Variants in ZNF341 observed in about 807,000 individuals in gnomAD.
ZNF341 encodes zinc finger protein 341.
In ZNF341, 52 loss-of-function variants were observed where a neutral mutation model predicts 87.7. That is an observed-to-expected ratio of 0.59 (90% CI 0.47 to 0.75). The LOEUF is 0.75. Ranked by LOEUF, ZNF341 falls within the 30% of genes least tolerant of loss-of-function variation. The pLI, the probability that ZNF341 is intolerant of heterozygous loss-of-function variation, is 0.00. For synonymous variants in ZNF341, 459 were observed against 472.7 expected (o/e 0.97, Z 0.38); for missense variants, 977 against 1,145.9 (o/e 0.85, Z 2.13).
chr20:33,780,870 C>G (rs1170675048), intron 10 of ZNF341, among the ~76,000 whole-genome samples: 1 of 152,048 alleles, frequency 6.6e-6, no homozygotes, highest in Non-Finnish European at 1.5e-5. Flanking sequence ...CCACATCTAG[C>G]TAATTTTTAA....
At chr20:33,771,613 G>A (rs1367783711) in intron 10 of ZNF341, among the ~76,000 whole-genome samples, 1 of 152,060 alleles carries the variant, frequency 6.6e-6, no homozygotes, top group African/African-American at 2.4e-5. Flanking sequence ...AATTTATTCT[G>A]ATAATCATTT....
chr20:33,784,130 T>C, intron 12 of ZNF341, among the ~76,000 whole-genome samples: 1 of 64,330 alleles, frequency 1.6e-5, no homozygotes. Context: ...CCCTTCTCCC[T>C]CCTCTTCCCC....
intron 5 of ZNF341, among the ~76,000 whole-genome samples, chr20:33,755,039 T>C (rs2019148640): frequency 6.6e-6 from 1 of 152,040 alleles, no homozygotes; most frequent in Admixed American, 6.6e-5. Flanking sequence ...ACCTCTCAGG[T>C]TCAAGCGATT....
Position 33,791,262 on chromosome 20 carries a change from G to C in ZNF341, c.2310G>C (p.Pro770=), listed in dbSNP as rs571959953. 1.2e-6 allele frequency: 2 copies of C among 1,611,696 alleles called. No individual in the cohort carries two copies. The highest frequency in any genetic ancestry group is 2.7e-5 in the African/African-American group (2 of 75,038). ...GRKVLTPLPD[P]LGLEELKDTG... is the part of the protein sequence containing the mutation. ...AGGTGCTGACCCCCTTGCCTGACCC[G>C]CTGGGGCTGGAGGAGCTGAAGGACA... is the stretch of plus-strand genomic sequence containing the variant. The change falls in exon 15 of 15, where the codon CCG becomes CCC. Residue 770 remains proline (P), a synonymous_variant. Coordinates refer to ENST00000375200, the MANE Select transcript of ZNF341 (RefSeq NM_001282933.2).
At position 33,761,977 on chromosome 20, in the gene ZNF341, G is replaced by A. The variant is rs1357761370; in HGVS notation, c.1144G>A (p.Gly382Ser). 4 of 1,607,462 alleles carry A rather than the reference G, an allele frequency of 2.5e-6. No individual in the cohort carries two copies. Among genetic ancestry groups the A allele is most frequent in the Non-Finnish European group, 3.4e-6 (4 of 1,175,228 alleles). The change falls in exon 8 of 15, where the codon GGC becomes AGC. Residue 382 changes from glycine (G) to serine (S), a missense_variant. Around this residue, in one of 3 missense-constraint regions of ZNF341, gnomAD observed 515 missense variants for 598.2 expected, o/e 0.86. Transcript: ENST00000375200. ...HKVWPPGHSG[G>S]TVSRNSVTVQ... ...GGTGTGGCCTCCAGGACACAGTGGT[G>A]GCACCGTGTCTCGAAACTCTGTGAC...
chr20:33,743,646 C>T lies in ZNF341; in HGVS notation c.143-1457C>T, dbSNP rs903104937. On this transcript the variant is annotated intron_variant, in intron 2 of 14. Transcript: ENST00000375200. The stretch of plus-strand genomic sequence containing the variant: ...GAGTGAGCCACCTCGCCTGGCAACC[C>T]GTCTCTTAAAAAAATAAATAAATAA... 3.3e-5 allele frequency among the ~76,000 whole-genome samples: 5 copies of T among 151,510 alleles called. No individual in the cohort carries two copies. The East Asian group carries it at 5.8e-4, about 18-fold the overall frequency.
At chr20:33,768,211 C>T (rs1241848610) in intron 9 of ZNF341, among the ~76,000 whole-genome samples, 1 of 152,160 alleles carries the variant, frequency 6.6e-6, no homozygotes, top group African/African-American at 2.4e-5. Flanking sequence ...CAACCTCCAC[C>T]TCCCACGTTC....
intron 3 of ZNF341, among the ~76,000 whole-genome samples, chr20:33,745,929 CTTTTT>C (rs1301920142): frequency 1.5e-5 from 2 of 132,782 alleles, no homozygotes; most frequent in Admixed American, 7.7e-5. Flanking sequence ...GGGTCTGGGC[CTTTTT>C]TTTTTTTTTT....
chr20:33,772,565 G>A (rs545186047), intron 10 of ZNF341, among the ~76,000 whole-genome samples: 1 of 152,298 alleles, frequency 6.6e-6, no homozygotes, highest in Non-Finnish European at 1.5e-5. Flanking sequence ...AGATACCACA[G>A]GGGAGGCAGG....
At position 33,732,194 on chromosome 20, in the gene ZNF341, C is replaced by A; in HGVS notation, c.31+142C>A. ...TGGAACAGCCGCGGGGCGGGAGGGG[C>A]GCGGGCGGGAACAGCGCGGGAGCCG... is the stretch of plus-strand genomic sequence containing the variant. On this transcript the variant is annotated intron_variant, in intron 1 of 14. Transcript: ENST00000375200. This position sits in a 1 kb window ranked among gnomAD's most constrained non-coding sequence, Gnocchi z 4.5. 3 of 639,476 alleles carry A rather than the reference C, an allele frequency of 4.7e-6. No individual in the cohort carries two copies. The highest frequency in any genetic ancestry group is 2.0e-5 in the African/African-American group (1 of 50,124). The allele number at this position is 639,476 out of a possible 1,614,324, so 39.6% of individuals were successfully genotyped here.
At chr20:33,752,659 T>C (rs2019086731) in intron 4 of ZNF341, 6 of 245,902 alleles carry the variant, frequency 2.4e-5, no homozygotes, top group South Asian at 4.6e-5. Flanking sequence ...TTTCTTTTTT[T>C]TTTTTTTTTT....
chr20:33,772,030 A>AAAG (rs2019544346), intron 10 of ZNF341, among the ~76,000 whole-genome samples: 1 of 150,388 alleles, frequency 6.6e-6, no homozygotes, highest in Admixed American at 6.7e-5. Context: ...AAAAAAAAAA[A>AAAG]AAAAAGATCT....
intron 8 of ZNF341, 34 bp downstream of exon 8, chr20:33,762,089 A>C: frequency 6.8e-7 from 1 of 1,478,476 alleles, no homozygotes; most frequent in Non-Finnish European, 9.1e-7. Context: ...TGCTTCCCAC[A>C]CCTCTCTTCT....
intron 2 of ZNF341, among the ~76,000 whole-genome samples, chr20:33,741,393 C>CTT (rs559128620): frequency 5.8e-4 from 82 of 141,936 alleles, no homozygotes; most frequent in Middle Eastern, 3.8e-3. Context: ...TAAGGGTCTT[C>CTT]TTTTTTTTTT....
chr20:33,739,035 A>G (rs1200585154), intron 1 of ZNF341, among the ~76,000 whole-genome samples: 1 of 152,164 alleles, frequency 6.6e-6, no homozygotes, highest in Non-Finnish European at 1.5e-5. Flanking sequence ...CAGTGGCGCC[A>G]TCTCCGCTCA....
At chr20:33,752,602 A>G (rs1367762601) in intron 4 of ZNF341, 3 of 287,040 alleles carry the variant, frequency 1.0e-5, no homozygotes, top group Non-Finnish European at 2.0e-5. Flanking sequence ...TTAGGCTGCT[A>G]TATTAACTCT....
chr20:33,734,686 A>C (rs2018643132), intron 1 of ZNF341, among the ~76,000 whole-genome samples: 1 of 152,112 alleles, frequency 6.6e-6, no homozygotes, highest in Admixed American at 6.6e-5. Context: ...ATTTAATTCA[A>C]GTTCAGTTTT....
In ZNF341 at chr20:33,757,243, C is replaced by A. The variant is rs150279236; in HGVS notation, c.837C>A (p.Ala279=). The A allele has an allele frequency of 1.2e-6, 2 of 1,605,646 alleles. No homozygotes were observed. Among genetic ancestry groups the A allele is most frequent in the Admixed American group, 3.4e-5 (2 of 58,522 alleles). ...TCAAACCCAAAGGACCAAACCCCGC[C>A]GCCCCCATGACCAGCGCCACCGGGG... The part of the protein sequence containing the change: ...QGFKPKGPNP[A]APMTSATGGT... The change falls in exon 6 of 15, where the codon GCC becomes GCA. Residue 279 remains alanine, a synonymous_variant. Transcript: ENST00000375200.
chr20:33,789,215 A>G (rs2019943390), intron 13 of ZNF341, among the ~76,000 whole-genome samples: 1 of 151,820 alleles, frequency 6.6e-6, no homozygotes, highest in Non-Finnish European at 1.5e-5. Flanking sequence ...AGCTGAGATT[A>G]CAGATTTAGT....
Sources: allele counts gnomAD v4.1 joint callset (sites outside exome capture counted in the v4.1 genomes callset), GRCh38; gene constraint gnomAD v4.1.1; regional missense constraint gnomAD v4.1.1; non-coding constraint Gnocchi (gnomAD v3.1); transcripts MANE v1.5; gene names NCBI Gene and HGNC (gene_info 2026-07-23, HGNC 2026-07-21).